The following DLG2 variants were observed in gnomAD, a reference collection of about 807,000 sequenced individuals.
DLG2 encodes disks large homolog 2.
In DLG2, 45 loss-of-function variants were observed where a neutral mutation model predicts 132.5. The observed-to-expected ratio is 0.34, with a 90% CI of 0.27 to 0.44. The LOEUF is 0.44. DLG2 is among the 20% of genes least tolerant of loss of function. The probability of loss-of-function intolerance (pLI) is 1.00; values close to 1 mark genes in which losing one functional copy is unlikely to be tolerated. For synonymous variants in DLG2, 424 were observed against 419.6 expected (o/e 1.01, Z -0.13); for missense variants, 1,045 against 1,196.9 (o/e 0.87, Z 1.87).
chr11:84,479,224 C>A (rs1261054934), intron 7 of DLG2, among the ~76,000 whole-genome samples: 1 of 152,042 alleles, frequency 6.6e-6, no homozygotes, highest in Non-Finnish European at 1.5e-5. Flanking sequence ...GGAAATAATT[C>A]TTTCATTTTT....
At chr11:83,553,609 A>G (rs2096448459) in intron 19 of DLG2, among the ~76,000 whole-genome samples, 1 of 151,554 alleles carries the variant, frequency 6.6e-6, no homozygotes, top group Admixed American at 6.6e-5. Context: ...TCTTGTACAC[A>G]TTTTTGCAAA....
chr11:84,849,975 T>G (rs2081985343), intron 6 of DLG2, among the ~76,000 whole-genome samples: 1 of 152,142 alleles, frequency 6.6e-6, no homozygotes, highest in Non-Finnish European at 1.5e-5. Context: ...TCTAACTGCC[T>G]CCAGAAAACG....
In DLG2 at chr11:83,682,988, T is replaced by C. The variant is rs377501674; in HGVS notation, c.1826-49663A>G. Among the ~76,000 whole-genome samples the C allele has an allele frequency of 5.1e-4, 77 of 152,192 alleles. 2 individuals are homozygous for C. The East Asian group carries it at 0.013, about 25-fold the overall frequency. On this transcript the variant is annotated intron_variant, in intron 18 of 27. Coordinates refer to ENST00000376104, the MANE Select transcript of DLG2 (RefSeq NM_001142699.3). ...TTCTGATGGCAAAGTACAGTGCCTT[T>C]CTATTCTACCATGCTGCCTCTGGAG...
chr11:84,148,301 A>G (rs2095164979), intron 9 of DLG2, among the ~76,000 whole-genome samples: 1 of 152,144 alleles, frequency 6.6e-6, no homozygotes, highest in Non-Finnish European at 1.5e-5. Context: ...GGTTTGGAGT[A>G]CAATCAAACC....
chr11:83,690,303 A>G (rs1411195321), intron 18 of DLG2, among the ~76,000 whole-genome samples: 2 of 151,432 alleles, frequency 1.3e-5, no homozygotes, highest in East Asian at 3.9e-4. Context: ...AGAAATATCT[A>G]GGAATTGAAG....
At chr11:84,785,255 A>T (rs2072664226) in intron 6 of DLG2, among the ~76,000 whole-genome samples, 1 of 151,412 alleles carries the variant, frequency 6.6e-6, no homozygotes, top group Admixed American at 6.6e-5. Context: ...TTTTTTAAAT[A>T]AAAAAAAATT....
At chr11:84,281,369 A>C (rs1189708689) in intron 7 of DLG2, among the ~76,000 whole-genome samples, 1 of 152,206 alleles carries the variant, frequency 6.6e-6, no homozygotes, top group Non-Finnish European at 1.5e-5. Flanking sequence ...GAATGAAAAG[A>C]GATACTTACA....
At chr11:84,001,392 A>G (rs530773610) in intron 11 of DLG2, among the ~76,000 whole-genome samples, 6 of 151,974 alleles carry the variant, frequency 3.9e-5, no homozygotes, top group African/African-American at 1.2e-4. Flanking sequence ...TCAATGCAGC[A>G]AGAGAATGTA....
intron 10 of DLG2, among the ~76,000 whole-genome samples, chr11:84,077,049 A>G (rs1410411595): frequency 2.0e-5 from 3 of 152,166 alleles, no homozygotes; most frequent in Non-Finnish European, 2.9e-5. Flanking sequence ...TATATTCTGC[A>G]TCTTCAAACC....
intron 19 of DLG2, chr11:83,631,455 A>G (rs562972359): frequency 2.6e-5 from 4 of 152,174 alleles, no homozygotes; most frequent in African/African-American, 9.6e-5. Context: ...AGTCTCATTA[A>G]AAAGAGGTTC....
chr11:84,664,664 G>C (rs569880060), intron 6 of DLG2, among the ~76,000 whole-genome samples: 1 of 152,166 alleles, frequency 6.6e-6, no homozygotes, highest in East Asian at 1.9e-4. Flanking sequence ...GGCACTGTGG[G>C]CCAAAAAGCT....
chr11:85,211,648 T>C (rs1003842711), intron 4 of DLG2, among the ~76,000 whole-genome samples: 6 of 152,096 alleles, frequency 3.9e-5, no homozygotes, highest in African/African-American at 1.2e-4. Flanking sequence ...AAACAATCTG[T>C]GAACCAGATA....
chr11:85,572,052 C>A (rs2077873414), intron 3 of DLG2, among the ~76,000 whole-genome samples: 3 of 152,210 alleles, frequency 2.0e-5, no homozygotes, highest in Admixed American at 1.3e-4. Context: ...TACAGAGATT[C>A]AGCTTCTTTC....
intron 2 of DLG2, among the ~76,000 whole-genome samples, chr11:85,626,301 A>G (rs1268240260): frequency 1.3e-5 from 2 of 152,216 alleles, no homozygotes; most frequent in African/African-American, 4.8e-5. Context: ...TCAACAAGCT[A>G]AGAAAACAAG....
At chr11:85,285,015 T>C (rs1218237182) in intron 4 of DLG2, among the ~76,000 whole-genome samples, 2 of 151,906 alleles carry the variant, frequency 1.3e-5, no homozygotes, top group Admixed American at 6.6e-5. Flanking sequence ...ACTCAAAAAA[T>C]ATAAAGAATC....
chr11:84,653,483 C>T (rs936743483), intron 6 of DLG2, among the ~76,000 whole-genome samples: 29 of 152,264 alleles, frequency 1.9e-4, no homozygotes, highest in African/African-American at 6.5e-4. Flanking sequence ...CATATTCCTG[C>T]CTCCAGTAAT....
intron 15 of DLG2, among the ~76,000 whole-genome samples, chr11:83,912,954 C>T (rs996811552): frequency 6.6e-6 from 1 of 152,028 alleles, no homozygotes; most frequent in East Asian, 1.9e-4. Flanking sequence ...AAGAATAAGG[C>T]AGTGAGGGCT....
chr11:85,163,234 C>A (rs1382292373), intron 4 of DLG2, among the ~76,000 whole-genome samples: 3 of 151,976 alleles, frequency 2.0e-5, no homozygotes, highest in Non-Finnish European at 4.4e-5. Flanking sequence ...GACACACACA[C>A]ACACACACAC....
At chr11:85,164,479 A>G (rs547601519) in intron 4 of DLG2, among the ~76,000 whole-genome samples, 9 of 152,096 alleles carry the variant, frequency 5.9e-5, no homozygotes, top group Non-Finnish European at 1.2e-4. Context: ...TTATGTTTCC[A>G]CCGTTACTTC....
Sources: gnomAD v4.1 joint callset for allele counts (sites outside exome capture counted in the v4.1 genomes callset) on GRCh38, gnomAD v4.1.1 for gene constraint, MANE v1.5 for transcripts, NCBI Gene and HGNC (gene_info 2026-07-23, HGNC 2026-07-21) for gene names.